The following HHIPL1 variants were observed in gnomAD, a reference collection of about 807,000 sequenced individuals.
HHIPL1 encodes HHIP like 1.
In HHIPL1, 43 loss-of-function variants were observed where a neutral mutation model predicts 61.8. That is an observed-to-expected ratio of 0.70 (90% confidence interval 0.55 to 0.90). The LOEUF is 0.90. HHIPL1 is among the 40% of genes least tolerant of loss of function. The pLI is 0.00. For synonymous variants in HHIPL1, 482 were observed against 515.8 expected (o/e 0.93, Z 0.89); for missense variants, 1,056 against 1,157.7 (o/e 0.91, Z 1.28).
rs1446844392 is a variant in HHIPL1, at chr14:99,675,193, C to T, written c.1916C>T (p.Pro639Leu). 8.8e-7 allele frequency: 1 copy of T among 1,142,098 alleles called. No individual in the cohort carries two copies. The highest frequency in any genetic ancestry group is 1.7e-5 in the African/African-American group (1 of 60,170). 70.7% of individuals were successfully genotyped at this position (1,142,098 alleles called of 1,614,324 possible). A position where few individuals can be genotyped will look rare whatever the true frequency, so the allele number is the denominator to read the frequency against. The change falls in exon 9 of 9, where the codon CCG (proline) becomes CTG (leucine). Residue 639 changes from proline to leucine, a missense_variant. Coordinates refer to ENST00000330710, the MANE Select transcript of HHIPL1 (RefSeq NM_001127258.3). This position sits in a 1 kb window ranked among gnomAD's most constrained non-coding sequence, Gnocchi z 5.4. ...ACGGCCGCTCCCCCCGCGCCAACCCCGCGGCCAGCGCGGCCCACCCAGCAG... is the reference window on the plus strand; with the variant it reads ...ACGGCCGCTCCCCCCGCGCCAACCCTGCGGCCAGCGCGGCCCACCCAGCAG... ...RPTAAPPAPT[P>L]RPARPTQQPG...
chr14:99,620,075 C>G, the HHIPL1 span, among the ~76,000 whole-genome samples: 1 of 152,152 alleles, frequency 6.6e-6, no homozygotes, highest in Non-Finnish European at 1.5e-5. Context: ...AGCTAATTAC[C>G]AGCTGGATGA....
chr14:99,609,127 G>C, the HHIPL1 span, among the ~76,000 whole-genome samples: 1 of 152,168 alleles, frequency 6.6e-6, no homozygotes, highest in Non-Finnish European at 1.5e-5. Flanking sequence ...GACGCCTCTG[G>C]ATGGCACCTG....
chr14:99,670,555 T>C (rs2056316575), intron 7 of HHIPL1, among the ~76,000 whole-genome samples: 1 of 150,746 alleles, frequency 6.6e-6, no homozygotes, highest in African/African-American at 2.5e-5. Context: ...TTACCAGACT[T>C]TTTTTTTTCT....
the HHIPL1 span, among the ~76,000 whole-genome samples, chr14:99,623,848 C>T: frequency 4.8e-4 from 73 of 152,312 alleles, no homozygotes; most frequent in Middle Eastern, 3.4e-3. Flanking sequence ...CCGCCAGTGC[C>T]GGCCCAACAA....
chr14:99,618,955 G>A, the HHIPL1 span, among the ~76,000 whole-genome samples: 2 of 152,300 alleles, frequency 1.3e-5, no homozygotes, highest in Middle Eastern at 3.4e-3. Flanking sequence ...ATCGTGCCAG[G>A]CCTGGGCACA....
the HHIPL1 span, among the ~76,000 whole-genome samples, chr14:99,637,168 A>AAG: frequency 5.5e-4 from 61 of 110,642 alleles, 1 homozygote; most frequent in East Asian, 5.2e-3. Flanking sequence ...GAAAGAAAGA[A>AAG]AAAGAAAGAA....
upstream of HHIPL1, among the ~76,000 whole-genome samples, chr14:99,640,545 A>G (rs182732087): frequency 1.1e-4 from 16 of 152,288 alleles, no homozygotes; most frequent in East Asian, 2.9e-3. Context: ...TTGGCCTCCC[A>G]AAGTGCTGGA....
At chr14:99,674,671 C>A (rs185171516) in intron 8 of HHIPL1, among the ~76,000 whole-genome samples, 1 of 152,140 alleles carries the variant, frequency 6.6e-6, no homozygotes, top group Admixed American at 6.5e-5. Flanking sequence ...GAAGATGAAA[C>A]GGTGACTTTC....
Position 99,662,902 on chromosome 14 carries a change from C to T in HHIPL1, c.1529C>T (p.Pro510Leu), listed in dbSNP as rs1255602498. The change falls in exon 6 of 9, where the codon CCA (proline) becomes CTA (leucine). Residue 510 changes from proline (P) to leucine (L), a missense_variant. By Grantham distance (98) the Pro-to-Leu change is moderately conservative. Coordinates refer to ENST00000330710, the MANE Select transcript of HHIPL1 (RefSeq NM_001127258.3). Reference sequence around the variant, plus strand: ...CGTCTGATGTCCCTCCAAGAGAACCCAGGGACAGGCCAGTGGCAGTACAGT... The same window carrying T: ...CGTCTGATGTCCCTCCAAGAGAACCTAGGGACAGGCCAGTGGCAGTACAGT... ...SGRLMSLQEN[P>L]GTGQWQYSEI... The T allele has an allele frequency of 1.9e-6, 3 of 1,610,894 alleles. No individual in the cohort carries two copies. Among genetic ancestry groups the T allele is most frequent in the East Asian group, 2.2e-5 (1 of 44,778 alleles).
At chr14:99,624,119 G>T in the HHIPL1 span, among the ~76,000 whole-genome samples, 2 of 152,210 alleles carry the variant, frequency 1.3e-5, no homozygotes, top group Non-Finnish European at 2.9e-5. Context: ...ACTCAGAAGG[G>T]CCCGAGGCTT....
At chr14:99,669,171 G>T in intron 7 of HHIPL1, 1 of 1,326,094 alleles carries the variant, frequency 7.5e-7, no homozygotes, top group Non-Finnish European at 9.7e-7. Flanking sequence ...GAGTCTCAGG[G>T]CCAAGCCTGT....
upstream of HHIPL1, among the ~76,000 whole-genome samples, chr14:99,643,423 C>T (rs1181756765): frequency 2.6e-5 from 4 of 152,150 alleles, no homozygotes; most frequent in African/African-American, 4.8e-5. Flanking sequence ...TAACAGAAAC[C>T]GAGGTAAATA....
intron 1 of HHIPL1, among the ~76,000 whole-genome samples, chr14:99,646,689 A>G (rs578216514): frequency 2.1e-4 from 32 of 152,012 alleles, no homozygotes; most frequent in African/African-American, 7.2e-4. Context: ...CAGGAGAAGC[A>G]CTTGACTCTG....
chr14:99,645,260 C>A lies in HHIPL1; in HGVS notation c.53C>A (p.Ala18Asp), dbSNP rs1416537444. 1 of 1,399,934 alleles carries A rather than the reference C, an allele frequency of 7.1e-7. No homozygotes were observed. Among genetic ancestry groups the A allele is most frequent in the South Asian group, 1.5e-5 (1 of 64,538 alleles). 86.7% of individuals were successfully genotyped at this position (1,399,934 alleles called of 1,614,324 possible). ...ALLALWVLGA[A>D]AHPQCLDFRP... ...CTGGCGCTTTGGGTGCTCGGGGCCG[C>A]CGCGCATCCGCAGTGCCTGGACTTC... Residue 18 changes from alanine to aspartate, a missense_variant, in exon 1 of 9, where the codon GCC (alanine) becomes GAC (aspartate). Physicochemically the swap from Ala to Asp is moderately radical, Grantham distance 126 (BLOSUM62 -2). Coordinates refer to ENST00000330710, the MANE Select transcript of HHIPL1 (RefSeq NM_001127258.3).
intron 1 of HHIPL1, among the ~76,000 whole-genome samples, chr14:99,646,964 C>T (rs1349540221): frequency 6.6e-6 from 1 of 152,036 alleles, no homozygotes; most frequent in African/African-American, 2.4e-5. Context: ...TAAGTGTTTG[C>T]AGTTGGATTT....
In HHIPL1 at chr14:99,675,686, G is replaced by T. The variant is rs1595174111; in HGVS notation, c.*60G>T. The T allele has an allele frequency of 1.4e-6, 2 of 1,424,390 alleles. No homozygotes were observed. Among genetic ancestry groups the T allele is most frequent in the South Asian group, 1.4e-5 (1 of 69,450 alleles). 88.2% of individuals were successfully genotyped at this position (1,424,390 alleles called of 1,614,324 possible). On this transcript the variant is annotated 3_prime_UTR_variant, in exon 9 of 9. Coordinates refer to ENST00000330710, the MANE Select transcript of HHIPL1 (RefSeq NM_001127258.3). The surrounding 1 kb of genome is among the most constrained non-coding windows in gnomAD (Gnocchi z 5.4). ...GGGGGAGCCTGGCAGGGGCCGCTCC[G>T]CCCTGTGTGCGCCCAGCGGGTGCAC... is the stretch of plus-strand genomic sequence containing the variant.
At chr14:99,648,421 T>C (rs1443124272) in intron 1 of HHIPL1, among the ~76,000 whole-genome samples, 1 of 152,092 alleles carries the variant, frequency 6.6e-6, no homozygotes, top group Non-Finnish European at 1.5e-5. Context: ...GCATTCCCCA[T>C]GGGGAATGTG....
At position 99,675,004 on chromosome 14, in the gene HHIPL1, C is replaced by T; in HGVS notation, c.1814-87C>T. 1.4e-6 allele frequency: 1 copy of T among 710,462 alleles called. No individual in the cohort carries two copies. Among genetic ancestry groups the T allele is most frequent in the Non-Finnish European group, 1.8e-6 (1 of 557,650 alleles). The allele number at this position is 710,462 out of a possible 1,614,324, so 44.0% of individuals were successfully genotyped here. A position where few individuals can be genotyped will look rare whatever the true frequency, so the allele number is the denominator to read the frequency against. ...TCCTTCCCCGAGTCTGCGCTCTCCG[C>T]ACAGGTTGCAGGGCAGCACAGGGTG... On this transcript the variant is annotated intron_variant, in intron 8 of 8. Coordinates refer to ENST00000330710, the MANE Select transcript of HHIPL1 (RefSeq NM_001127258.3). This position sits in a 1 kb window ranked among gnomAD's most constrained non-coding sequence, Gnocchi z 5.4.
rs1029775878 is a variant in HHIPL1, at chr14:99,651,564, C to T, written c.256-660C>T. On this transcript the variant is annotated intron_variant, in intron 1 of 8. Transcript: ENST00000330710. The stretch of plus-strand genomic sequence containing the variant: ...CTAAACTAAACCATGCGTGAGAACT[C>T]CGCCCCGTGATCCAGTCACCTCCCA... Among the ~76,000 whole-genome samples the T allele has an allele frequency of 3.9e-5, 6 of 152,300 alleles. No homozygotes were observed. The East Asian group carries it at 5.8e-4, about 15-fold the overall frequency.
Sources: allele counts gnomAD v4.1 joint callset (sites outside exome capture counted in the v4.1 genomes callset), GRCh38; gene constraint gnomAD v4.1.1; non-coding constraint Gnocchi (gnomAD v3.1); transcripts MANE v1.5; gene names NCBI Gene and HGNC (gene_info 2026-07-23, HGNC 2026-07-21).